The following TRIM2 variants were observed in gnomAD, a reference collection of about 807,000 sequenced individuals.
TRIM2 encodes the protein tripartite motif containing 2.
TRIM2 carries 20 observed loss-of-function variants against 75.2 expected under a neutral mutation model. The ratio of observed to expected loss-of-function variants is 0.27; its 90% CI spans 0.19 to 0.39. The LOEUF is 0.39. Among genes scored for constraint, TRIM2 ranks in the 10% least tolerant of loss-of-function variants. The pLI is 1.00. For synonymous variants in TRIM2, 373 were observed against 388.3 expected (o/e 0.96, Z 0.46); for missense variants, 660 against 990.8 (o/e 0.67, Z 4.48).
At chr4:153,205,909 G>A (rs1349198811) in intron 1 of TRIM2, among the ~76,000 whole-genome samples, 1 of 152,202 alleles carries the variant, frequency 6.6e-6, no homozygotes, top group Non-Finnish European at 1.5e-5. Context: ...GGTTCTCCTG[G>A]TGCGGTCCTA....
At chr4:153,253,084 A>G (rs1342915357) in intron 1 of TRIM2, among the ~76,000 whole-genome samples, 3 of 152,200 alleles carry the variant, frequency 2.0e-5, no homozygotes, top group African/African-American at 7.2e-5. Flanking sequence ...TACTCAATCC[A>G]GACTGTGGGT....
intron 1 of TRIM2, among the ~76,000 whole-genome samples, chr4:153,269,723 G>A (rs1334058612): frequency 6.6e-6 from 1 of 152,120 alleles, no homozygotes; most frequent in Non-Finnish European, 1.5e-5. Context: ...AGTTACCACT[G>A]CTTTGAAGCC....
chr4:153,174,140 A>G (rs1731174489), intron 1 of TRIM2, among the ~76,000 whole-genome samples: 1 of 45,072 alleles, frequency 2.2e-5, no homozygotes, highest in African/African-American at 8.6e-5. Context: ...TTCAGTGGAA[A>G]CCCTTGCATT....
intron 6 of TRIM2, among the ~76,000 whole-genome samples, chr4:153,307,356 T>G (rs1455531841): frequency 6.6e-6 from 1 of 152,196 alleles, no homozygotes; most frequent in African/African-American, 2.4e-5. Flanking sequence ...AAAAGTTGAA[T>G]GAAACACTCA....
upstream of TRIM2, among the ~76,000 whole-genome samples, chr4:153,202,873 G>A (rs750829569): frequency 1.8e-4 from 27 of 151,352 alleles, no homozygotes; most frequent in African/African-American, 3.9e-4. Flanking sequence ...TTGGGAGGCC[G>A]AGGTGGGCAG....
rs775525143 is a variant in TRIM2 at position 153,295,513 on chromosome 4, C to T, written c.987C>T (p.Ile329=). ...HPRENDQLDF[I]VETEGLKKSI... is the part of the protein sequence containing the mutation. ...GGGAGAACGACCAGCTGGATTTCAT[C>T]GTGGAAACCGAGGGGCTGAAGAAGT... The change falls in exon 6 of 12, where the codon ATC becomes ATT. Residue 329 remains isoleucine, a synonymous_variant. Transcript: ENST00000338700. The surrounding 1 kb of genome is among the most constrained non-coding windows in gnomAD (Gnocchi z 7.2). The T allele has an allele frequency of 6.8e-6, 11 of 1,613,914 alleles. No homozygotes were observed. The highest frequency in any genetic ancestry group is 6.7e-5 in the African/African-American group (5 of 74,910).
intron 1 of TRIM2, among the ~76,000 whole-genome samples, chr4:153,219,693 C>A (rs1739432687): frequency 6.6e-6 from 1 of 152,136 alleles, no homozygotes; most frequent in South Asian, 2.1e-4. Flanking sequence ...CAAAGTAAGA[C>A]CCTGTCTCCC....
At chr4:153,293,863 C>A (rs115563076) in intron 4 of TRIM2, among the ~76,000 whole-genome samples, 1 of 152,112 alleles carries the variant, frequency 6.6e-6, no homozygotes, top group Non-Finnish European at 1.5e-5. Context: ...TTCGGCAATG[C>A]CTGGAGACAT....
At chr4:153,169,143 A>T (rs1192366133) in intron 1 of TRIM2, among the ~76,000 whole-genome samples, 1 of 152,230 alleles carries the variant, frequency 6.6e-6, no homozygotes, top group Non-Finnish European at 1.5e-5. Flanking sequence ...CCTAGCACTT[A>T]TTCAAAATTC....
At chr4:153,218,837 T>C (rs1399813732) in intron 1 of TRIM2, among the ~76,000 whole-genome samples, 1 of 152,194 alleles carries the variant, frequency 6.6e-6, no homozygotes, top group African/African-American at 2.4e-5. Context: ...CTAGTTCTCC[T>C]TCCCTACCTT....
intron 2 of TRIM2, among the ~76,000 whole-genome samples, chr4:153,275,517 C>A (rs1387434214): frequency 6.6e-6 from 1 of 152,192 alleles, no homozygotes; most frequent in Non-Finnish European, 1.5e-5. Flanking sequence ...GCTTCTCAAA[C>A]TTTAACATGT....
rs143254649 is a variant in TRIM2, at chr4:153,188,384, C to T, written c.-49+35114C>T. On this transcript the variant is annotated intron_variant, in intron 1 of 11. Coordinates refer to the TRIM2 transcript ENST00000437508. ...CTGAGGTGGGAGGATCATCTGAGCT[C>T]GAGAGGTAGAGGCTGCAGTGAGCTG... Among the ~76,000 whole-genome samples, 14 of 152,018 alleles carry T rather than the reference C, an allele frequency of 9.2e-5. No individual in the cohort carries two copies. The East Asian group carries it at 1.5e-3, about 17-fold the overall frequency.
chr4:153,332,168 T>C (rs1321663343), intron 11 of TRIM2, among the ~76,000 whole-genome samples: 5 of 152,160 alleles, frequency 3.3e-5, no homozygotes, highest in African/African-American at 1.2e-4. Context: ...ATTAACAAAT[T>C]GGGTTTCATA....
intron 1 of TRIM2, among the ~76,000 whole-genome samples, chr4:153,239,232 G>T (rs1745831949): frequency 6.6e-6 from 1 of 151,934 alleles, no homozygotes; most frequent in South Asian, 2.1e-4. Flanking sequence ...GGCACCTGTA[G>T]TCCCAGCTAC....
intron 1 of TRIM2, among the ~76,000 whole-genome samples, chr4:153,187,657 C>T (rs1234018186): frequency 1.3e-5 from 2 of 152,186 alleles, no homozygotes; most frequent in Admixed American, 1.3e-4. Context: ...CAGTGAGGAG[C>T]CTGTCACAGA....
At chr4:153,331,110 C>T (rs1296288207) in intron 11 of TRIM2, among the ~76,000 whole-genome samples, 6 of 152,220 alleles carry the variant, frequency 3.9e-5, no homozygotes, top group South Asian at 4.2e-4. Flanking sequence ...TTGCTTGAGG[C>T]CAGGAGTTTG....
chr4:153,286,886 T>G (rs1339742180), intron 3 of TRIM2, among the ~76,000 whole-genome samples: 4 of 152,172 alleles, frequency 2.6e-5, no homozygotes, highest in Non-Finnish European at 4.4e-5. Flanking sequence ...CTATTTTTTC[T>G]GATATTAGAA....
At chr4:153,289,080 G>A (rs1460977835) in intron 3 of TRIM2, among the ~76,000 whole-genome samples, 1 of 152,038 alleles carries the variant, frequency 6.6e-6, no homozygotes. Flanking sequence ...TTTAGGGAGA[G>A]TGCCTATAAA....
At position 153,338,694 on chromosome 4, in the gene TRIM2, G is replaced by T. The variant is rs1772740336; in HGVS notation, c.*3728G>T. 1.0e-6 allele frequency: 1 copy of T among 985,782 alleles called. No homozygotes were observed. Among genetic ancestry groups the T allele is most frequent in the Non-Finnish European group, 1.2e-6 (1 of 829,904 alleles). The allele number at this position is 985,782 out of a possible 1,614,324, so 61.1% of individuals were successfully genotyped here. On this transcript the variant is annotated 3_prime_UTR_variant, in exon 12 of 12. Coordinates refer to ENST00000338700, the MANE Select transcript of TRIM2 (RefSeq NM_015271.5). ...CTTAAAAACTTTCTAAAGATGAATT[G>T]TGTGGCAGTGATTGGTCTGTTTGTG...
Sources: gnomAD v4.1 joint callset for allele counts (sites outside exome capture counted in the v4.1 genomes callset) on GRCh38, gnomAD v4.1.1 for gene constraint, Gnocchi (gnomAD v3.1) non-coding constraint, MANE v1.5 for transcripts, NCBI Gene and HGNC (gene_info 2026-07-23, HGNC 2026-07-21) for gene names.